Variants in GABBR2 observed in about 807,000 individuals in gnomAD.
The protein encoded by GABBR2 is gamma-aminobutyric acid type B receptor subunit 2, also known as G-protein coupled receptor 51.
GABBR2 carries 23 observed loss-of-function variants against 105.6 expected under a neutral mutation model. That is an observed-to-expected ratio of 0.22 (90% CI 0.16 to 0.31). GABBR2 has a LOEUF of 0.31. GABBR2 is among the 10% of genes least tolerant of loss of function. GABBR2 has a pLI of 1.00. For synonymous variants in GABBR2, 478 were observed against 499.7 expected (o/e 0.96, Z 0.58); for missense variants, 734 against 1,245.5 (o/e 0.59, Z 6.18).
chr9:98,319,838 C>A (rs1164096896), intron 13 of GABBR2, among the ~76,000 whole-genome samples: 1 of 152,140 alleles, frequency 6.6e-6, no homozygotes, highest in Non-Finnish European at 1.5e-5. Context: ...TGGAAAGGGC[C>A]TGCTCCTCCT....
chr9:98,550,957 A>T (rs1293378568), intron 2 of GABBR2, among the ~76,000 whole-genome samples: 1 of 152,078 alleles, frequency 6.6e-6, no homozygotes, highest in Non-Finnish European at 1.5e-5. Context: ...TCAAAAAAAA[A>T]ATCCATTCTC....
intron 1 of GABBR2, among the ~76,000 whole-genome samples, chr9:98,675,563 C>A (rs1233916170): frequency 6.6e-6 from 1 of 152,188 alleles, no homozygotes; most frequent in African/African-American, 2.4e-5. Flanking sequence ...CATTTGCAGC[C>A]TCAGATAATG....
intron 13 of GABBR2, among the ~76,000 whole-genome samples, chr9:98,342,122 G>C (rs1831224252): frequency 6.6e-6 from 1 of 152,134 alleles, no homozygotes; most frequent in Non-Finnish European, 1.5e-5. Context: ...TGAACAGTGT[G>C]AGATGGAAGC....
chr9:98,537,986 C>T (rs1828214434), intron 3 of GABBR2, among the ~76,000 whole-genome samples: 1 of 152,164 alleles, frequency 6.6e-6, no homozygotes, highest in Admixed American at 6.5e-5. Context: ...ATCTCTGGTC[C>T]TCCACAGCAC....
In GABBR2 at chr9:98,403,758, T is replaced by A. The variant is rs191563116; in HGVS notation, c.1297+2323A>T. Among the ~76,000 whole-genome samples, 834 of 137,554 alleles carry A rather than the reference T, an allele frequency of 6.1e-3. 8 individuals are homozygous for A. Among genetic ancestry groups the A allele is most frequent in the East Asian group, 0.02 (83 of 4,092 alleles). 90.2% of individuals were successfully genotyped at this position (137,554 alleles called of 152,430 possible). A position where few individuals can be genotyped will look rare whatever the true frequency, so the allele number is the denominator to read the frequency against. On this transcript the variant is annotated intron_variant, in intron 8 of 18. Transcript: ENST00000259455. ...ACTTACTTGCTGAGAAAAAAAAAAA[T>A]ATATATATATATACATATATATAAA...
intron 3 of GABBR2, among the ~76,000 whole-genome samples, chr9:98,515,817 T>C (rs1273747190): frequency 6.6e-6 from 1 of 152,224 alleles, no homozygotes; most frequent in Admixed American, 6.5e-5. Flanking sequence ...CAGATCCCAT[T>C]CTTGTTTCCA....
intron 1 of GABBR2, among the ~76,000 whole-genome samples, chr9:98,617,488 C>T (rs1048113385): frequency 6.6e-6 from 1 of 152,190 alleles, no homozygotes; most frequent in African/African-American, 2.4e-5. Context: ...CTCATAGTCA[C>T]ATTTTTGTGT....
chr9:98,298,887 A>T (rs1830423814), intron 17 of GABBR2, among the ~76,000 whole-genome samples: 1 of 152,248 alleles, frequency 6.6e-6, no homozygotes. Flanking sequence ...CGTTCAGAGA[A>T]GAAAGGGTAA....
At chr9:98,382,571 T>G (rs1831997730) in intron 11 of GABBR2, among the ~76,000 whole-genome samples, 1 of 152,152 alleles carries the variant, frequency 6.6e-6, no homozygotes, top group Non-Finnish European at 1.5e-5. Context: ...CGCCTCGGCC[T>G]CCCAAAGTGC....
intron 8 of GABBR2, among the ~76,000 whole-genome samples, chr9:98,399,484 C>T (rs1588141097): frequency 6.6e-6 from 1 of 152,128 alleles, no homozygotes; most frequent in Admixed American, 6.5e-5. Flanking sequence ...TCACGCATCA[C>T]ACTTTGCTGT....
intron 2 of GABBR2, among the ~76,000 whole-genome samples, chr9:98,575,098 A>G (rs1423285339): frequency 6.6e-6 from 1 of 151,344 alleles, no homozygotes; most frequent in Non-Finnish European, 1.5e-5. Context: ...CCCCCCCCCA[A>G]ATCTGCAAAA....
At chr9:98,343,806 C>T (rs1386033145) in intron 13 of GABBR2, among the ~76,000 whole-genome samples, 3 of 151,604 alleles carry the variant, frequency 2.0e-5, no homozygotes, top group East Asian at 3.9e-4. Context: ...TGCAGTGAGC[C>T]GAGATTGCCC....
intron 13 of GABBR2, among the ~76,000 whole-genome samples, chr9:98,335,664 TCAACAACAA>T (rs3837262): frequency 1.3e-5 from 2 of 151,564 alleles, no homozygotes; most frequent in South Asian, 2.1e-4. Flanking sequence ...TTGAAATCAT[TCAACAACAA>T]CAACAACAAC....
At chr9:98,425,689 TC>T (rs1189214660) in intron 7 of GABBR2, among the ~76,000 whole-genome samples, 4 of 152,184 alleles carry the variant, frequency 2.6e-5, no homozygotes, top group Non-Finnish European at 5.9e-5. Context: ...AAAATGAGGC[TC>T]AGACAGGTGA....
intron 2 of GABBR2, among the ~76,000 whole-genome samples, chr9:98,565,903 T>C (rs1828744715): frequency 6.6e-6 from 1 of 152,208 alleles, no homozygotes; most frequent in South Asian, 2.1e-4. Flanking sequence ...CCACACACCT[T>C]ACCAAACACA....
intron 2 of GABBR2, among the ~76,000 whole-genome samples, chr9:98,567,068 C>T (rs932547812): frequency 2.6e-5 from 4 of 152,088 alleles, no homozygotes; most frequent in African/African-American, 7.2e-5. Context: ...ACAATTGTGC[C>T]GATCACTAGC....
intron 1 of GABBR2, among the ~76,000 whole-genome samples, chr9:98,644,285 A>T (rs1251153016): frequency 6.6e-6 from 1 of 152,340 alleles, no homozygotes; most frequent in East Asian, 1.9e-4. Flanking sequence ...GATGTGGTGG[A>T]TAATTACACA....
At chr9:98,698,660 C>G (rs1449737748) in intron 1 of GABBR2, among the ~76,000 whole-genome samples, 1 of 152,088 alleles carries the variant, frequency 6.6e-6, no homozygotes, top group Non-Finnish European at 1.5e-5. Flanking sequence ...CCACCACACC[C>G]AGCTAATTTT....
At chr9:98,636,202 G>A (rs956817532) in intron 1 of GABBR2, among the ~76,000 whole-genome samples, 3 of 152,156 alleles carry the variant, frequency 2.0e-5, no homozygotes, top group Non-Finnish European at 4.4e-5. Context: ...CCAATTTCAA[G>A]TCTCCATCAA....
Sources: allele counts gnomAD v4.1 joint callset (sites outside exome capture counted in the v4.1 genomes callset), GRCh38; gene constraint gnomAD v4.1.1; transcripts MANE v1.5; gene names NCBI Gene and HGNC (gene_info 2026-07-23, HGNC 2026-07-21).